PCED1A: variants seen among roughly 807,000 people sequenced by gnomAD.
PCED1A encodes the protein PC-esterase domain containing 1A, also known as PC-esterase domain-containing protein 1A.
In PCED1A, 20 loss-of-function variants were observed where a neutral mutation model predicts 41.9. The ratio of observed to expected loss-of-function variants is 0.48; its 90% CI spans 0.34 to 0.69. The LOEUF is 0.69. Among genes scored for constraint, PCED1A ranks in the 30% least tolerant of loss-of-function variants. PCED1A has a pLI of 0.01. For missense variants in PCED1A, 498 were observed against 602.1 expected, an observed-to-expected ratio of 0.83 and a Z score of 1.81; for synonymous variants, 236 against 241.3, an observed-to-expected ratio of 0.98 and a Z score of 0.20.
At chr20:2,840,047 GC>G in intron 1 of PCED1A, 114 bp from the exon 2 acceptor site, 1 of 1,138,910 alleles carries the variant, frequency 8.8e-7, no homozygotes, top group South Asian at 1.7e-5. Context: ...CGGCAGCAGA[GC>G]CATGGTGGCG....
chr20:2,835,411 G>A lies in PCED1A; in HGVS notation c.*51C>T. On this transcript the variant is annotated 3_prime_UTR_variant, in exon 8 of 8. Transcript: ENST00000360652. Reference sequence around the variant, plus strand: ...CCCTAGCCCAGTACCTGAGGTGCCAGGCAGGCCCTGAAGGGCCATTGGCAC... The same window carrying A: ...CCCTAGCCCAGTACCTGAGGTGCCAAGCAGGCCCTGAAGGGCCATTGGCAC... 1.9e-6 allele frequency: 3 copies of A among 1,557,020 alleles called. No individual in the cohort carries two copies. Among genetic ancestry groups the A allele is most frequent in the Non-Finnish European group, 1.7e-6 (2 of 1,146,342 alleles).
chr20:2,840,946 C>T (rs2088963111), upstream of PCED1A: 5 of 1,007,164 alleles, frequency 5.0e-6, no homozygotes, highest in Non-Finnish European at 7.2e-6. Flanking sequence ...CGCGCCGGCT[C>T]TCCCCGAGCG....
At chr20:2,835,979 G>C (rs2088821860) in intron 7 of PCED1A, 60 bp downstream of exon 7, 1 of 1,454,674 alleles carries the variant, frequency 6.9e-7, no homozygotes, top group African/African-American at 1.4e-5. Context: ...AGCTCACCTA[G>C]GCATAGGAGG....
chr20:2,837,333 T>C, intron 6 of PCED1A, among the ~76,000 whole-genome samples: 1 of 152,240 alleles, frequency 6.6e-6, no homozygotes, highest in Non-Finnish European at 1.5e-5. Context: ...CCTCTTGTGC[T>C]GCCATAATCG....
chr20:2,839,770 C>T lies in PCED1A; in HGVS notation c.124+19G>A, dbSNP rs750290772. On this transcript the variant is annotated intron_variant, in intron 2 of 7. Coordinates refer to ENST00000360652, the MANE Select transcript of PCED1A (RefSeq NM_022760.6). ...GCAAGGTGTGGGACTGGAAGCGTCA[C>T]CCTAGAAGAGGCACTCACTGGAGTC... The T allele has an allele frequency of 1.9e-6, 3 of 1,613,384 alleles. No individual in the cohort carries two copies.
At chr20:2,839,133 C>G (rs1341902914) in intron 3 of PCED1A, 51 bp from the exon 4 acceptor site, 1 of 1,471,136 alleles carries the variant, frequency 6.8e-7, no homozygotes, top group Non-Finnish European at 9.1e-7. Flanking sequence ...GGAGGAGAAC[C>G]CTGCCAGGCC....
chr20:2,838,842 A>G lies in PCED1A; in HGVS notation c.443+2T>C. 1 of 1,614,044 alleles carries G rather than the reference A, an allele frequency of 6.2e-7. No individual in the cohort carries two copies. ...CAGTATTCCCCTTTCCCTCGCCCCA[A>G]CCTGGAGAGATCCCAGAGGCAGGAG... is the stretch of plus-strand genomic sequence containing the variant. On this transcript the variant is annotated splice_donor_variant, in intron 4 of 7. Transcript: ENST00000360652. LOFTEE classifies it high-confidence loss of function. This position sits in a 1 kb window ranked among gnomAD's most constrained non-coding sequence, Gnocchi z 5.8.
rs1182099597 is a variant in PCED1A, at chr20:2,840,458, G to A, written c.-269C>T. ...GGCGCCTCAGGCCTCGGCGCCTCGG[G>A]CTGCGACGCTCACAGCTTCCACTTC... On this transcript the variant is annotated 5_prime_UTR_variant, in exon 1 of 8. Transcript: ENST00000360652. 6.7e-6 allele frequency: 3 copies of A among 450,360 alleles called. No homozygotes were observed. The East Asian group carries it at 1.4e-4, about 21-fold the overall frequency. The allele number at this position is 450,360 out of a possible 1,614,324, so 27.9% of individuals were successfully genotyped here.
rs773654732 is a variant in PCED1A at position 2,836,230 on chromosome 20, G to A, written c.926C>T (p.Ala309Val). The change falls in exon 7 of 8, where the codon GCC becomes GTC. Residue 309 changes from alanine (A) to valine (V), a missense_variant. Ala to Val is a moderately conservative substitution (Grantham distance 64). Coordinates refer to ENST00000360652, the MANE Select transcript of PCED1A (RefSeq NM_022760.6). ...RQTPDFGEHL[A>V]LLPPPPSSLP... ...AGAAGAAGGTGGGGGTGGGAGCAAG[G>A]CCAGGTGCTCCCCGAAGTCTGGGGT... 3.7e-6 allele frequency: 6 copies of A among 1,613,972 alleles called. No individual in the cohort carries two copies. Among genetic ancestry groups the A allele is most frequent in the Non-Finnish European group, 5.1e-6 (6 of 1,179,910 alleles).
chr20:2,836,023 C>A lies in PCED1A; in HGVS notation c.1117+16G>T. ...GGGGAGGTACAAGAGGGTGGGGGAG[C>A]TGCAGAAGCACCTACCTAAGTGGGG... On this transcript the variant is annotated intron_variant, in intron 7 of 7. Transcript: ENST00000360652. 6.8e-7 allele frequency: 1 copy of A among 1,469,808 alleles called. No homozygotes were observed. Among genetic ancestry groups the A allele is most frequent in the Non-Finnish European group, 9.0e-7 (1 of 1,108,720 alleles). 91.0% of individuals were successfully genotyped at this position (1,469,808 alleles called of 1,614,324 possible). A position where few individuals can be genotyped will look rare whatever the true frequency, so the allele number is the denominator to read the frequency against.
At chr20:2,836,835 C>A (rs1267910608) in intron 6 of PCED1A, among the ~76,000 whole-genome samples, 1 of 152,178 alleles carries the variant, frequency 6.6e-6, no homozygotes, top group African/African-American at 2.4e-5. Flanking sequence ...ACACTGCCAG[C>A]AGCCTCAGTC....
At chr20:2,840,854 G>T, upstream of PCED1A, 1 of 837,578 alleles carries the variant, frequency 1.2e-6, no homozygotes, top group Non-Finnish European at 1.8e-6. Flanking sequence ...TCCCGCCCAC[G>T]GCCTGGCTTA....
chr20:2,840,759 G>T (rs754204779), upstream of PCED1A: 1 of 1,547,964 alleles, frequency 6.5e-7, no homozygotes, highest in South Asian at 1.2e-5. Flanking sequence ...CTTCCCAGCT[G>T]CCGTCTGCAC....
chr20:2,838,528 G>A lies in PCED1A; in HGVS notation c.595-50C>T, dbSNP rs771508391. ...AGAGCCACAGAACGCAGCAGGGTCT[G>A]AAAGCAGGGTGTCCTATCTACCAGT... On this transcript the variant is annotated intron_variant, in intron 5 of 7. Coordinates refer to ENST00000360652, the MANE Select transcript of PCED1A (RefSeq NM_022760.6). This position sits in a 1 kb window ranked among gnomAD's most constrained non-coding sequence, Gnocchi z 5.8. The A allele has an allele frequency of 1.2e-6, 2 of 1,613,812 alleles. No individual in the cohort carries two copies. Among genetic ancestry groups the A allele is most frequent in the African/African-American group, 2.7e-5 (2 of 74,932 alleles).
Position 2,838,991 on chromosome 20 carries a change from A to T in PCED1A, c.296T>A (p.Phe99Tyr). 6.2e-7 allele frequency: 1 copy of T among 1,613,982 alleles called. No homozygotes were observed. Among genetic ancestry groups the T allele is most frequent in the African/African-American group, 1.3e-5 (1 of 75,026 alleles). Residue 99 changes from phenylalanine to tyrosine, a missense_variant, in exon 4 of 8, where the codon TTC becomes TAC. Transcript: ENST00000360652. The surrounding 1 kb of genome is among the most constrained non-coding windows in gnomAD (Gnocchi z 5.8). Reference sequence around the variant, plus strand: ...AAGGTGGTGGCCAGAGCCCGAGCAGAACTGGCGGACCTCACGATACTGTGT... The same window carrying T: ...AAGGTGGTGGCCAGAGCCCGAGCAGTACTGGCGGACCTCACGATACTGTGT... Reference protein sequence around the residue: ...NGTQYREVRQFCSGSGHHLVR... With the variant: ...NGTQYREVRQYCSGSGHHLVR...
At chr20:2,837,738 A>G (rs2088859456) in intron 6 of PCED1A, among the ~76,000 whole-genome samples, 1 of 152,158 alleles carries the variant, frequency 6.6e-6, no homozygotes, top group South Asian at 2.1e-4. Flanking sequence ...TGAACTAAGA[A>G]GCCTATGGAA....
chr20:2,836,121 A>C lies in PCED1A; in HGVS notation c.1035T>G (p.Pro345=). ...GTGGGAAGGGCTGGCCTGGGAAAAA[A>C]GGGGTATCCTGGGGCAGGGGTGGGA... ...PLFPPLPQDT[P]FFPGQPFPPH... Residue 345 remains proline (P), a synonymous_variant, in exon 7 of 8, where the codon CCT becomes CCG. Transcript: ENST00000360652. The C allele has an allele frequency of 9.2e-7, 1 of 1,089,548 alleles. No homozygotes were observed. Among genetic ancestry groups the C allele is most frequent in the Non-Finnish European group, 1.3e-6 (1 of 792,974 alleles). 67.5% of individuals were successfully genotyped at this position (1,089,548 alleles called of 1,614,324 possible).
chr20:2,839,704 T>C (rs2088913433), intron 2 of PCED1A, 85 bp downstream of exon 2: 1 of 1,551,674 alleles, frequency 6.4e-7, no homozygotes. Context: ...AGACAAGAGA[T>C]GTGAGATGGA....
intron 6 of PCED1A, among the ~76,000 whole-genome samples, chr20:2,837,712 A>T (rs1427690651): frequency 6.6e-6 from 1 of 152,200 alleles, no homozygotes; most frequent in Non-Finnish European, 1.5e-5. Context: ...CACCAGTCAC[A>T]GTGGGACTCT....
Sources: allele counts gnomAD v4.1 joint callset (sites outside exome capture counted in the v4.1 genomes callset), GRCh38; gene constraint gnomAD v4.1.1; non-coding constraint Gnocchi (gnomAD v3.1); transcripts MANE v1.5; gene names NCBI Gene and HGNC (gene_info 2026-07-23, HGNC 2026-07-21).